ELFN2: variants seen among roughly 807,000 people sequenced by gnomAD.
ELFN2 encodes the protein protein phosphatase 1 regulatory subunit 29.
In ELFN2, 17 loss-of-function variants were observed where a neutral mutation model predicts 45.5. That is an observed-to-expected ratio of 0.37 (90% CI 0.26 to 0.56). The LOEUF (loss-of-function observed/expected upper bound fraction) is 0.56. Ranked by LOEUF, ELFN2 falls within the 20% of genes least tolerant of loss-of-function variation. The pLI is 0.77. For missense variants in ELFN2, 922 were observed against 1,183.2 expected (o/e 0.78, Z 3.24); for synonymous variants, 550 against 551.5 (o/e 1.00, Z 0.04).
chr22:37,411,062 G>A (rs739168), intron 2 of ELFN2, among the ~76,000 whole-genome samples: 37,298 of 151,908 alleles, frequency 0.25, 7,599 homozygotes, highest in African/African-American at 0.57. Context: ...CACGCCAGGC[G>A]TAGCACCAAG....
intron 2 of ELFN2, among the ~76,000 whole-genome samples, chr22:37,381,325 A>T (rs1931757812): frequency 6.6e-6 from 1 of 151,976 alleles, no homozygotes; most frequent in African/African-American, 2.4e-5. Flanking sequence ...TGCCCCTGTC[A>T]GAGGAAAGCG....
At chr22:37,346,368 A>G (rs1410087044) in intron 1 of ELFN2, among the ~76,000 whole-genome samples, 2 of 151,712 alleles carry the variant, frequency 1.3e-5, no homozygotes, top group Non-Finnish European at 2.9e-5. Context: ...AGTGCCCTCC[A>G]GTCTCCAGCA....
chr22:37,410,637 C>T (rs564822830), intron 2 of ELFN2, among the ~76,000 whole-genome samples: 2 of 152,338 alleles, frequency 1.3e-5, no homozygotes, highest in Admixed American at 6.5e-5. Context: ...ACGAGCCGGG[C>T]ACTGACCGGA....
chr22:37,424,283 TGTCACACACA>T (rs201851601), intron 1 of ELFN2, among the ~76,000 whole-genome samples: 1,727 of 152,264 alleles, frequency 0.011, 15 homozygotes, highest in Non-Finnish European at 0.015. Flanking sequence ...GGCTGACCTC[TGTCACACACA>T]GCCAGGATGC....
At chr22:37,412,292 A>AAAAAAAAAG (rs57769146) in intron 2 of ELFN2, among the ~76,000 whole-genome samples, 16 of 146,358 alleles carry the variant, frequency 1.1e-4, no homozygotes, top group African/African-American at 4.2e-4. Flanking sequence ...AAAAAAAAAA[A>AAAAAAAAAG]AAAGAAAGAA....
intron 2 of ELFN2, among the ~76,000 whole-genome samples, chr22:37,402,449 C>A (rs1445133829): frequency 2.0e-5 from 3 of 152,200 alleles, no homozygotes; most frequent in Admixed American, 2.0e-4. Flanking sequence ...GACCCGGCCC[C>A]GGTGAGCGTC....
intron 2 of ELFN2, among the ~76,000 whole-genome samples, chr22:37,381,881 G>A (rs965859998): frequency 2.2e-5 from 3 of 135,260 alleles, no homozygotes; most frequent in Non-Finnish European, 4.6e-5. Flanking sequence ...GCATGAACCC[G>A]GGAGGCGGAG....
At chr22:37,423,599 C>T (rs1391887862) in intron 1 of ELFN2, among the ~76,000 whole-genome samples, 1 of 152,194 alleles carries the variant, frequency 6.6e-6, no homozygotes, top group Non-Finnish European at 1.5e-5. Flanking sequence ...TTTTGTGGGA[C>T]TAAACGAATG....
At position 37,388,003 on chromosome 22, in the gene ELFN2, C is replaced by T. The variant is rs376145096; in HGVS notation, c.-462-12007G>A. Among the ~76,000 whole-genome samples, 43 of 151,746 alleles carry T rather than the reference C, an allele frequency of 2.8e-4. 1 individual carries two copies. Among genetic ancestry groups the T allele is most frequent in the East Asian group, 2.3e-3 (12 of 5,156 alleles). On this transcript the variant is annotated intron_variant, in intron 2 of 2. Coordinates refer to ENST00000402918, the MANE Select transcript of ELFN2 (RefSeq NM_052906.5). The stretch of plus-strand genomic sequence containing the variant: ...CCCAGTTCCCAGACACAGTGAGAGG[C>T]ACCCACACCTCCCCACCTGCCCCTA...
downstream of ELFN2, among the ~76,000 whole-genome samples, chr22:37,366,669 C>T (rs1931213980): frequency 6.6e-6 from 1 of 152,236 alleles, no homozygotes; most frequent in African/African-American, 2.4e-5. Flanking sequence ...CCAGGCCCTA[C>T]CTCTCTGCGC....
At position 37,424,947 on chromosome 22, in the gene ELFN2, G is replaced by A. The variant is rs151138438; in HGVS notation, c.-614+2351C>T. 5.7e-3 allele frequency among the ~76,000 whole-genome samples: 861 copies of A among 151,526 alleles called. 6 individuals are homozygous for A. The highest frequency in any genetic ancestry group is 0.017 in the Middle Eastern group (5 of 292). ...CACCATATGCCAGGCATCAGCACCCGCCCCCCACAAGGCCCATGGTCTCCT... is the reference window on the plus strand; with the variant it reads ...CACCATATGCCAGGCATCAGCACCCACCCCCCACAAGGCCCATGGTCTCCT... On this transcript the variant is annotated intron_variant, in intron 1 of 2. Coordinates refer to ENST00000402918, the MANE Select transcript of ELFN2 (RefSeq NM_052906.5).
chr22:37,425,442 A>G (rs1169509799), intron 1 of ELFN2, among the ~76,000 whole-genome samples: 3 of 152,134 alleles, frequency 2.0e-5, no homozygotes, highest in African/African-American at 7.2e-5. Flanking sequence ...CTAAGGCTCC[A>G]TCCCTCTCCC....
intron 2 of ELFN2, among the ~76,000 whole-genome samples, chr22:37,413,014 G>T (rs1250883046): frequency 1.3e-5 from 2 of 152,208 alleles, no homozygotes; most frequent in African/African-American, 4.8e-5. Context: ...CACCCTGGAA[G>T]AGAATCTCTC....
exon 3 of ELFN2, chr22:37,340,928 C>T (rs1217594757): frequency 6.6e-6 from 1 of 152,252 alleles, no homozygotes; most frequent in African/African-American, 2.4e-5. Context: ...TCAGGAAGGC[C>T]GGGACTGCAG....
chr22:37,375,583 C>G lies in ELFN2; in HGVS notation c.-49G>C. 1.3e-6 allele frequency: 2 copies of G among 1,485,938 alleles called. No individual in the cohort carries two copies. The highest frequency in any genetic ancestry group is 1.8e-6 in the Non-Finnish European group (2 of 1,117,844). The allele number at this position is 1,485,938 out of a possible 1,614,324, so 92.0% of individuals were successfully genotyped here. On this transcript the variant is annotated 5_prime_UTR_variant, in exon 3 of 3. Transcript: ENST00000402918. The stretch of plus-strand genomic sequence containing the variant: ...CCAGGGCAAGGCAGGGGGTGCCTAG[C>G]GGCCAGAGGCTGGGGCTGGCAGTAC...
In ELFN2 at chr22:37,374,884, C is replaced by A; in HGVS notation, c.651G>T (p.Ser217=). Residue 217 remains serine (S), a synonymous_variant, in exon 3 of 3, where the codon TCG becomes TCT. Transcript: ENST00000402918. ...TKNYDRLQCE[S]PREFAGYPLL... ...GCGGGTAGCCGGCAAACTCCCGCGG[C>A]GACTCACACTGCAGGCGGTCGTAGT... 1 of 1,610,910 alleles carries A rather than the reference C, an allele frequency of 6.2e-7. No homozygotes were observed. Among genetic ancestry groups the A allele is most frequent in the Non-Finnish European group, 8.5e-7 (1 of 1,179,884 alleles).
intron 2 of ELFN2, among the ~76,000 whole-genome samples, chr22:37,415,442 C>A (rs867106849): frequency 6.6e-5 from 10 of 152,296 alleles, no homozygotes; most frequent in Middle Eastern, 3.4e-3. Context: ...AGGAGAGGAG[C>A]ACCAGAGAGG....
At position 37,406,040 on chromosome 22, in the gene ELFN2, G is replaced by T. The variant is rs1048730293; in HGVS notation, c.-463+11729C>A. ...ACCTGTAGCCCCAGCTACTCTGGAG[G>T]CTGAGATGGGAGGATCGCTTGAGCC... is the stretch of plus-strand genomic sequence containing the variant. On this transcript the variant is annotated intron_variant, in intron 2 of 2. Transcript: ENST00000402918. Among the ~76,000 whole-genome samples, 5 of 152,290 alleles carry T rather than the reference G, an allele frequency of 3.3e-5. No homozygotes were observed. The South Asian group carries it at 1.0e-3, about 32-fold the overall frequency.
At chr22:37,421,524 C>T (rs1381255521) in intron 1 of ELFN2, among the ~76,000 whole-genome samples, 2 of 152,208 alleles carry the variant, frequency 1.3e-5, no homozygotes, top group Admixed American at 6.5e-5. Context: ...CTACTGTGTG[C>T]AGACCCCATG....
Sources: allele counts gnomAD v4.1 joint callset (sites outside exome capture counted in the v4.1 genomes callset), GRCh38; gene constraint gnomAD v4.1.1; transcripts MANE v1.5; gene names NCBI Gene and HGNC (gene_info 2026-07-23, HGNC 2026-07-21).